The following FBN1 variants were observed in gnomAD, a reference collection of about 807,000 sequenced individuals.
FBN1 encodes fibrillin-1.
FBN1 carries 29 observed loss-of-function variants against 365.1 expected under a neutral mutation model. The ratio of observed to expected loss-of-function variants is 0.08; its 90% CI spans 0.06 to 0.11. FBN1 has a LOEUF of 0.11. Ranked by LOEUF, FBN1 falls within the 10% of genes least tolerant of loss-of-function variation. The probability of loss-of-function intolerance (pLI) is 1.00; values close to 1 mark genes in which losing one functional copy is unlikely to be tolerated. For missense variants in FBN1, 2,476 were observed against 3,703.2 expected, an observed-to-expected ratio of 0.67 and a Z score of 8.60; for synonymous variants, 1,210 against 1,270.5, an observed-to-expected ratio of 0.95 and a Z score of 1.01.
chr15:48,500,806 T>C (rs2043648345), intron 17 of FBN1, among the ~76,000 whole-genome samples: 1 of 152,180 alleles, frequency 6.6e-6, no homozygotes, highest in South Asian at 2.1e-4. Context: ...CTGAACAATG[T>C]GAATCAGCTC....
At chr15:48,421,464 A>C in intron 62 of FBN1, 94 bp downstream of exon 62, 2 of 1,479,472 alleles carry the variant, frequency 1.4e-6, no homozygotes, top group Non-Finnish European at 1.9e-6. Flanking sequence ...CAGATCTGCT[A>C]TCTCATAGAG....
At chr15:48,517,626 T>G (rs747313471) in intron 10 of FBN1, among the ~76,000 whole-genome samples, 1 of 152,246 alleles carries the variant, frequency 6.6e-6, no homozygotes, top group African/African-American at 2.4e-5. Context: ...TTAAGCAGTA[T>G]CCAGGTTTCC....
intron 2 of FBN1, among the ~76,000 whole-genome samples, chr15:48,638,033 T>C (rs1289450741): frequency 7.0e-6 from 1 of 142,546 alleles, no homozygotes; most frequent in East Asian, 1.9e-4. Context: ...TGACCACTGA[T>C]AAACTTTTTT....
intron 58 of FBN1, among the ~76,000 whole-genome samples, chr15:48,426,507 C>T (rs953551527): frequency 2.0e-5 from 3 of 152,042 alleles, no homozygotes; most frequent in Non-Finnish European, 4.4e-5. Context: ...ATGGCTGTAC[C>T]ACAGAGAGAA....
At chr15:48,542,999 A>T (rs1008307770) in intron 6 of FBN1, among the ~76,000 whole-genome samples, 1 of 152,166 alleles carries the variant, frequency 6.6e-6, no homozygotes, top group Non-Finnish European at 1.5e-5. Flanking sequence ...GTATTTCTCA[A>T]CTAGGACTGA....
At chr15:48,514,546 T>A (rs1472258250) in intron 12 of FBN1, among the ~76,000 whole-genome samples, 1 of 152,150 alleles carries the variant, frequency 6.6e-6, no homozygotes, top group Admixed American at 6.5e-5. Context: ...AGGAGCTGAG[T>A]GTTCTTATCC....
intron 2 of FBN1, among the ~76,000 whole-genome samples, chr15:48,623,988 C>T (rs988656064): frequency 1.3e-5 from 2 of 151,690 alleles, no homozygotes; most frequent in African/African-American, 4.8e-5. Context: ...CACACACACA[C>T]ACACACACGC....
intron 58 of FBN1, among the ~76,000 whole-genome samples, chr15:48,426,124 A>G (rs1234432206): frequency 2.6e-5 from 4 of 152,278 alleles, no homozygotes; most frequent in African/African-American, 7.2e-5. Context: ...TTCTAAATGT[A>G]TATTTTTCTC....
intron 13 of FBN1, among the ~76,000 whole-genome samples, chr15:48,513,321 A>C (rs1466695961): frequency 1.3e-5 from 2 of 152,232 alleles, no homozygotes; most frequent in African/African-American, 4.8e-5. Flanking sequence ...TACTGAAAAT[A>C]AGATTTTCCT....
chr15:48,589,379 C>T (rs1387366747), intron 6 of FBN1, among the ~76,000 whole-genome samples: 2 of 152,114 alleles, frequency 1.3e-5, no homozygotes, highest in Admixed American at 6.5e-5. Context: ...CTTGTTCATA[C>T]CACATATGTG....
intron 6 of FBN1, among the ~76,000 whole-genome samples, chr15:48,588,928 C>T (rs1044073383): frequency 7.2e-5 from 11 of 152,152 alleles, no homozygotes; most frequent in African/African-American, 2.7e-4. Flanking sequence ...CTGTCAAATG[C>T]CTGGAAACTG....
chr15:48,449,349 A>G (rs2043183075), intron 45 of FBN1, among the ~76,000 whole-genome samples: 1 of 152,146 alleles, frequency 6.6e-6, no homozygotes, highest in Non-Finnish European at 1.5e-5. Context: ...TTGATGGACA[A>G]CCTACATGGC....
intron 6 of FBN1, among the ~76,000 whole-genome samples, chr15:48,593,660 C>G (rs1341885419): frequency 6.6e-6 from 1 of 152,118 alleles, no homozygotes; most frequent in Non-Finnish European, 1.5e-5. Context: ...TAAATGAATC[C>G]AGTTCATCAT....
chr15:48,516,205 C>A lies in FBN1; in HGVS notation c.1305G>T (p.Leu435=), dbSNP rs769895864. Residue 435 remains leucine (L), a synonymous_variant, in exon 11 of 66, where the codon CTG becomes CTT. Coordinates refer to ENST00000316623, the MANE Select transcript of FBN1 (RefSeq NM_000138.5). ...TACTTGGTGGCTCCCGAGATGGATA[C>A]AGATATTCCACTGGTGGTCGAGGGA... ...IPVPRPPVEY[L]YPSREPPRVL... 3 of 1,613,522 alleles carry A rather than the reference C, an allele frequency of 1.9e-6. No homozygotes were observed. The highest frequency in any genetic ancestry group is 2.5e-6 in the Non-Finnish European group (3 of 1,179,832).
chr15:48,560,613 T>C (rs2044215919), intron 6 of FBN1, among the ~76,000 whole-genome samples: 1 of 152,216 alleles, frequency 6.6e-6, no homozygotes, highest in South Asian at 2.1e-4. Flanking sequence ...GTGTTGGCTT[T>C]GTAAGTATTC....
intron 6 of FBN1, 147 bp from the exon 7 acceptor site, chr15:48,537,955 C>T (rs1009173862): frequency 1.2e-6 from 1 of 834,998 alleles, no homozygotes; most frequent in Non-Finnish European, 2.0e-6. Context: ...TGTGTAAGGC[C>T]TTGGATAGAC....
chr15:48,428,620 T>C (rs1437777091), intron 56 of FBN1, 149 bp from the exon 57 acceptor site: 8 of 818,964 alleles, frequency 9.8e-6, no homozygotes, highest in Non-Finnish European at 1.4e-5. Flanking sequence ...TCCCTCCCTC[T>C]CACCTTCCTT....
intron 6 of FBN1, among the ~76,000 whole-genome samples, chr15:48,539,632 G>A (rs1697315799): frequency 6.6e-6 from 1 of 152,114 alleles, no homozygotes; most frequent in Non-Finnish European, 1.5e-5. Context: ...TAGTACAGGT[G>A]ATATGCAAAC....
intron 2 of FBN1, among the ~76,000 whole-genome samples, chr15:48,637,565 C>T (rs1360184025): frequency 6.6e-6 from 1 of 152,190 alleles, no homozygotes; most frequent in Non-Finnish European, 1.5e-5. Flanking sequence ...ACTTCATATC[C>T]CTTTCCCTTG....
Sources: allele counts gnomAD v4.1 joint callset (sites outside exome capture counted in the v4.1 genomes callset), GRCh38; gene constraint gnomAD v4.1.1; transcripts MANE v1.5; gene names NCBI Gene and HGNC (gene_info 2026-07-23, HGNC 2026-07-21).